SLC6A6: variants seen among roughly 807,000 people sequenced by gnomAD.
SLC6A6 encodes solute carrier family 6 member 6, also known as sodium- and chloride-dependent taurine transporter.
A neutral mutation model predicts 68.8 loss-of-function variants in SLC6A6; 16 were observed. The ratio of observed to expected loss-of-function variants is 0.23; its 90% confidence interval spans 0.16 to 0.35. SLC6A6 has a LOEUF of 0.35. Among genes scored for constraint, SLC6A6 ranks in the 10% least tolerant of loss-of-function variants. The pLI is 1.00. For synonymous variants in SLC6A6, 312 were observed against 315.4 expected (o/e 0.99, Z 0.12); for missense variants, 474 against 802.8 (o/e 0.59, Z 4.95).
chr3:14,478,688 C>T lies in SLC6A6; in HGVS notation c.1450+120C>T, dbSNP rs1700939472. On this transcript the variant is annotated intron_variant, in intron 12 of 14. Coordinates refer to ENST00000622186, the MANE Select transcript of SLC6A6 (RefSeq NM_003043.6). ...ATTTGAGTTGAACAGTAGGCCCTCCCTACCTAGACTACACAAATAATCTCA... is the reference window on the plus strand; with the variant it reads ...ATTTGAGTTGAACAGTAGGCCCTCCTTACCTAGACTACACAAATAATCTCA... The T allele has an allele frequency of 1.7e-5, 12 of 707,128 alleles. No individual in the cohort carries two copies. The South Asian group carries it at 2.0e-4, about 12-fold the overall frequency. 43.8% of individuals were successfully genotyped at this position (707,128 alleles called of 1,614,324 possible).
chr3:14,407,791 C>G (rs1699143725), intron 1 of SLC6A6, among the ~76,000 whole-genome samples: 5 of 152,194 alleles, frequency 3.3e-5, no homozygotes, highest in Non-Finnish European at 7.3e-5. Flanking sequence ...CAGGCATGCC[C>G]CACCATACCA....
At position 14,487,099 on chromosome 3, in the gene SLC6A6, A is replaced by G. The variant is rs1701188396; in HGVS notation, c.*2092A>G. On this transcript the variant is annotated 3_prime_UTR_variant, in exon 15 of 15. Transcript: ENST00000622186. ...GCACGTGGGGAAGAGGGGACTTGGCACGCAGTGGCTACCTGGGCATTTGTG... is the reference window on the plus strand; with the variant it reads ...GCACGTGGGGAAGAGGGGACTTGGCGCGCAGTGGCTACCTGGGCATTTGTG... 1 of 152,684 alleles carries G rather than the reference A, an allele frequency of 6.5e-6. No homozygotes were observed. The highest frequency in any genetic ancestry group is 1.5e-5 in the Non-Finnish European group (1 of 68,042). The allele number at this position is 152,684 out of a possible 1,614,324, so 9.5% of individuals were successfully genotyped here.
chr3:14,426,749 C>T (rs1019896147), intron 2 of SLC6A6, among the ~76,000 whole-genome samples: 1 of 152,030 alleles, frequency 6.6e-6, no homozygotes. Flanking sequence ...GACAATAAGC[C>T]GGGACCCTCC....
At chr3:14,447,960 C>A in intron 5 of SLC6A6, 144 bp downstream of exon 5, 1 of 1,455,702 alleles carries the variant, frequency 6.9e-7, no homozygotes, top group South Asian at 1.4e-5. Flanking sequence ...TAAATTTATG[C>A]CTTTGGCCAT....
At chr3:14,458,221 GA>G in intron 6 of SLC6A6, 139 bp downstream of exon 6, 1 of 721,760 alleles carries the variant, frequency 1.4e-6, no homozygotes, top group Non-Finnish European at 2.4e-6. Context: ...CCGCCCTCTG[GA>G]AAAAAGTAAA....
intron 5 of SLC6A6, chr3:14,448,170 G>T (rs1700174328): frequency 1.2e-6 from 1 of 830,020 alleles, no homozygotes; most frequent in Non-Finnish European, 1.5e-6. Flanking sequence ...AATATATTCT[G>T]TTATTGCACA....
In SLC6A6 at chr3:14,477,285, C is replaced by A. The variant is rs1454880962; in HGVS notation, c.1290C>A (p.Ile430=). Residue 430 remains isoleucine, a synonymous_variant, in exon 11 of 15, where the codon ATC becomes ATA. Coordinates refer to ENST00000622186, the MANE Select transcript of SLC6A6 (RefSeq NM_003043.6). The surrounding 1 kb of genome is among the most constrained non-coding windows in gnomAD (Gnocchi z 4.2). ...TAAGGAAGGGTTATCGTCGGGAAAT[C>A]TTCATCGCCTTCGTGTGTAGCATCA... is the stretch of plus-strand genomic sequence containing the variant. ...SFLRKGYRRE[I]FIAFVCSISY... is the part of the protein sequence containing the mutation. The A allele has an allele frequency of 5.0e-6, 8 of 1,613,962 alleles. No individual in the cohort carries two copies. In the African/African-American group the frequency reaches 6.7e-5, roughly 13 times the overall value.
chr3:14,477,468 G>A lies in SLC6A6; in HGVS notation c.1347+126G>A. On this transcript the variant is annotated intron_variant, in intron 11 of 14. Coordinates refer to ENST00000622186, the MANE Select transcript of SLC6A6 (RefSeq NM_003043.6). This position sits in a 1 kb window ranked among gnomAD's most constrained non-coding sequence, Gnocchi z 4.2. Reference sequence around the variant, plus strand: ...TCATCTCCCAGCCCCACCCAATTCAGGGGTCCTGCTTGGACCAACACTGGG... The same window carrying A: ...TCATCTCCCAGCCCCACCCAATTCAAGGGTCCTGCTTGGACCAACACTGGG... 1 of 987,570 alleles carries A rather than the reference G, an allele frequency of 1.0e-6. No individual in the cohort carries two copies. Among genetic ancestry groups the A allele is most frequent in the Non-Finnish European group, 1.5e-6 (1 of 649,694 alleles). The allele number at this position is 987,570 out of a possible 1,614,324, so 61.2% of individuals were successfully genotyped here.
chr3:14,466,265 TAAAA>T (rs11310077), intron 6 of SLC6A6, among the ~76,000 whole-genome samples: 3 of 110,268 alleles, frequency 2.7e-5, no homozygotes, highest in Admixed American at 9.9e-5. Flanking sequence ...GTCTCAAATT[TAAAA>T]AAAAAAAAAA....
chr3:14,431,354 C>T (rs1699720247), intron 2 of SLC6A6, among the ~76,000 whole-genome samples: 1 of 152,310 alleles, frequency 6.6e-6, no homozygotes, highest in Admixed American at 6.5e-5. Flanking sequence ...AAATCCTCAT[C>T]GTGCTGGGCC....
intron 6 of SLC6A6, among the ~76,000 whole-genome samples, chr3:14,464,414 C>G (rs563155121): frequency 6.6e-6 from 1 of 152,246 alleles, no homozygotes; most frequent in East Asian, 1.9e-4. Flanking sequence ...TACAACTTAC[C>G]TCAGAGGGTT....
In SLC6A6 at chr3:14,468,755, G is replaced by C. The variant is rs116008240; in HGVS notation, c.1096+543G>C. Among the ~76,000 whole-genome samples the C allele has an allele frequency of 1.9e-3, 290 of 152,330 alleles. No homozygotes were observed. Among genetic ancestry groups the C allele is most frequent in the Middle Eastern group, 6.8e-3 (2 of 294 alleles). The stretch of plus-strand genomic sequence containing the variant: ...GGGGGGAGGGCGTAGATGAGGGGAC[G>C]ACCTACTGGGACGGTGGCAGATCCA... On this transcript the variant is annotated intron_variant, in intron 9 of 14. Transcript: ENST00000622186. This position sits in a 1 kb window ranked among gnomAD's most constrained non-coding sequence, Gnocchi z 4.5.
intron 10 of SLC6A6, among the ~76,000 whole-genome samples, chr3:14,475,726 A>T (rs1441988122): frequency 6.6e-6 from 1 of 152,196 alleles, no homozygotes; most frequent in Non-Finnish European, 1.5e-5. Flanking sequence ...CTTTGTTTTT[A>T]GCTCCTTTTG....
At chr3:14,413,056 G>T (rs976632475) in intron 1 of SLC6A6, among the ~76,000 whole-genome samples, 1 of 152,236 alleles carries the variant, frequency 6.6e-6, no homozygotes, top group Non-Finnish European at 1.5e-5. Flanking sequence ...TCAGGGGAGA[G>T]CCCAGGGCTA....
intron 11 of SLC6A6, 149 bp from the exon 12 acceptor site, chr3:14,478,317 T>A: frequency 1.5e-6 from 1 of 649,096 alleles, no homozygotes; most frequent in Non-Finnish European, 2.8e-6. Context: ...AAGTTGAGCA[T>A]CTTTTTGTAT....
chr3:14,445,140 C>A (rs1364949939), intron 3 of SLC6A6, among the ~76,000 whole-genome samples: 1 of 152,148 alleles, frequency 6.6e-6, no homozygotes, highest in African/African-American at 2.4e-5. Flanking sequence ...GGCTCTGAGG[C>A]AGCCGGGCGC....
intron 12 of SLC6A6, 185 bp from the exon 13 acceptor site, chr3:14,478,900 A>G (rs111308458): frequency 5.0e-6 from 3 of 602,952 alleles, no homozygotes; most frequent in South Asian, 2.0e-5. Context: ...TCAGATTGCC[A>G]GAAAAATACA....
At chr3:14,449,026 CTT>C (rs1299722722) in intron 5 of SLC6A6, among the ~76,000 whole-genome samples, 1 of 152,180 alleles carries the variant, frequency 6.6e-6, no homozygotes, top group Non-Finnish European at 1.5e-5. Flanking sequence ...CAGTCCCTGT[CTT>C]TTGTGTGTGG....
At chr3:14,427,680 T>C (rs1204820819) in intron 2 of SLC6A6, among the ~76,000 whole-genome samples, 1 of 152,166 alleles carries the variant, frequency 6.6e-6, no homozygotes, top group African/African-American at 2.4e-5. Flanking sequence ...ACCAGCAAGG[T>C]AACATTCCTC....
Sources: gnomAD v4.1 joint callset for allele counts (sites outside exome capture counted in the v4.1 genomes callset) on GRCh38, gnomAD v4.1.1 for gene constraint, Gnocchi (gnomAD v3.1) non-coding constraint, MANE v1.5 for transcripts, NCBI Gene and HGNC (gene_info 2026-07-23, HGNC 2026-07-21) for gene names.